The following ASIC2 variants were observed in gnomAD, a reference collection of about 807,000 sequenced individuals.
The protein encoded by ASIC2 is acid sensing ion channel subunit 2, also known as acid-sensing ion channel 2.
In ASIC2, 25 loss-of-function variants were observed where a neutral mutation model predicts 57.3. That is an observed-to-expected ratio of 0.44 (90% CI 0.32 to 0.61). The LOEUF (loss-of-function observed/expected upper bound fraction) is 0.61. ASIC2 is among the 20% of genes least tolerant of loss of function. The pLI, the probability that ASIC2 is intolerant of heterozygous loss-of-function variation, is 0.06. For synonymous variants in ASIC2, 319 were observed against 307.5 expected, an observed-to-expected ratio of 1.04 and a Z score of -0.39; for missense variants, 641 against 738.1, an observed-to-expected ratio of 0.87 and a Z score of 1.52.
chr17:33,857,184 C>T (rs1597904795), intron 1 of ASIC2, among the ~76,000 whole-genome samples: 1 of 152,192 alleles, frequency 6.6e-6, no homozygotes, highest in African/African-American at 2.4e-5. Context: ...CCCTCGGCCC[C>T]TTTCTGCTGC....
intron 1 of ASIC2, among the ~76,000 whole-genome samples, chr17:33,720,026 G>A (rs1909339918): frequency 6.6e-6 from 1 of 152,160 alleles, no homozygotes; most frequent in South Asian, 2.1e-4. Context: ...GAATACAGGT[G>A]TGCACTTCAT....
Position 33,579,146 on chromosome 17 carries a change from C to T in ASIC2, c.556-467079G>A, listed in dbSNP as rs571406269. Among the ~76,000 whole-genome samples, 7 of 152,072 alleles carry T rather than the reference C, an allele frequency of 4.6e-5. No individual in the cohort carries two copies. The East Asian group carries it at 7.7e-4, about 17-fold the overall frequency. On this transcript the variant is annotated intron_variant, in intron 1 of 9. Transcript: ENST00000359872. ...CTAAAAATATAAAACAGTAGCCAGG[C>T]ATGATGGTGGGCGCCTGTAATCCCA...
chr17:33,799,382 C>CT lies in ASIC2; in HGVS notation c.555+356595dup, dbSNP rs1250719098. On this transcript the variant is annotated intron_variant, in intron 1 of 9. Transcript: ENST00000359872. Reference sequence around the variant, plus strand: ...TCTTTCTTTCTTTCTTTCTTCCTTTCTTTCTTTCTTTCTTTCTTTCTTTTC... The same window carrying CT: ...TCTTTCTTTCTTTCTTTCTTCCTTTCTTTTCTTTCTTTCTTTCTTTCTTTTC... 2.8e-3 allele frequency among the ~76,000 whole-genome samples: 63 copies of CT among 22,780 alleles called. 1 individual carries two copies. The highest frequency in any genetic ancestry group is 8.6e-3 in the African/African-American group (55 of 6,406). The allele number at this position is 22,780 out of a possible 152,430, so 14.9% of individuals were successfully genotyped here.
intron 1 of ASIC2, among the ~76,000 whole-genome samples, chr17:33,864,588 G>GT (rs1185846359): frequency 6.6e-6 from 1 of 152,144 alleles, no homozygotes; most frequent in East Asian, 1.9e-4. Flanking sequence ...TCTTTTAATG[G>GT]TAAAGGGGAC....
At chr17:33,647,643 T>C (rs1183866141) in intron 1 of ASIC2, among the ~76,000 whole-genome samples, 1 of 152,232 alleles carries the variant, frequency 6.6e-6, no homozygotes. Flanking sequence ...CCTGTGCACA[T>C]GTGTATATCT....
intron 1 of ASIC2, among the ~76,000 whole-genome samples, chr17:33,180,941 T>C (rs936044630): frequency 6.6e-6 from 1 of 152,216 alleles, no homozygotes; most frequent in Non-Finnish European, 1.5e-5. Context: ...GCCACGCGGC[T>C]GTGCTCTGCT....
intron 1 of ASIC2, among the ~76,000 whole-genome samples, chr17:33,658,483 C>CAT (rs1907146924): frequency 6.6e-6 from 1 of 152,212 alleles, no homozygotes; most frequent in African/African-American, 2.4e-5. Flanking sequence ...TGGGGCTCCT[C>CAT]ATACTGGGTA....
chr17:33,774,670 T>G (rs893089038), intron 1 of ASIC2, among the ~76,000 whole-genome samples: 1 of 152,184 alleles, frequency 6.6e-6, no homozygotes, highest in Non-Finnish European at 1.5e-5. Context: ...CAACACCTTG[T>G]TAAATGGGAG....
intron 1 of ASIC2, chr17:34,039,898 G>T: frequency 6.4e-7 from 1 of 1,565,026 alleles, no homozygotes; most frequent in Non-Finnish European, 8.8e-7. Flanking sequence ...CGCCGCTGCC[G>T]CTCCACGCTC....
intron 1 of ASIC2, among the ~76,000 whole-genome samples, chr17:33,164,227 T>C (rs764593041): frequency 3.9e-5 from 6 of 152,162 alleles, no homozygotes; most frequent in Non-Finnish European, 5.9e-5. Flanking sequence ...TCCCTTCTCT[T>C]CCTGGCCTGC....
At chr17:33,514,306 G>T (rs1314134542) in intron 1 of ASIC2, among the ~76,000 whole-genome samples, 2 of 152,140 alleles carry the variant, frequency 1.3e-5, no homozygotes, top group African/African-American at 4.8e-5. Flanking sequence ...GAACTGAAAT[G>T]AAATGCACCA....
chr17:33,147,860 G>A (rs2142025545), intron 1 of ASIC2, among the ~76,000 whole-genome samples: 1 of 152,326 alleles, frequency 6.6e-6, no homozygotes, highest in South Asian at 2.1e-4. Flanking sequence ...CCCTCTCCAA[G>A]TTGGAGCTGC....
chr17:33,933,422 C>T (rs1915988929), intron 1 of ASIC2, among the ~76,000 whole-genome samples: 1 of 152,232 alleles, frequency 6.6e-6, no homozygotes. Context: ...TCAGAGAATG[C>T]TTGTTCAATG....
At chr17:33,379,190 C>T (rs891410277) in intron 1 of ASIC2, among the ~76,000 whole-genome samples, 2 of 152,100 alleles carry the variant, frequency 1.3e-5, no homozygotes, top group African/African-American at 2.4e-5. Context: ...CATGGTGTAG[C>T]CCTGCCTTCA....
At chr17:33,221,638 A>G (rs1907693868) in intron 1 of ASIC2, among the ~76,000 whole-genome samples, 1 of 152,240 alleles carries the variant, frequency 6.6e-6, no homozygotes, top group Non-Finnish European at 1.5e-5. Flanking sequence ...CTGACTTCAT[A>G]AAAGAGCCAT....
At chr17:33,881,209 A>C (rs1325020876) in intron 1 of ASIC2, among the ~76,000 whole-genome samples, 1 of 152,174 alleles carries the variant, frequency 6.6e-6, no homozygotes, top group African/African-American at 2.4e-5. Context: ...AGAAGACAGG[A>C]ATGCCCTCTC....
chr17:33,772,709 A>G (rs1379295489), intron 1 of ASIC2, among the ~76,000 whole-genome samples: 1 of 152,202 alleles, frequency 6.6e-6, no homozygotes, highest in Non-Finnish European at 1.5e-5. Context: ...TAGGCTCTCA[A>G]TATGCACCAG....
chr17:33,036,847 C>T (rs1035157545), intron 3 of ASIC2, among the ~76,000 whole-genome samples: 2 of 152,134 alleles, frequency 1.3e-5, no homozygotes, highest in African/African-American at 2.4e-5. Flanking sequence ...GAATAAGTCA[C>T]TGCTCCCCTC....
At chr17:33,239,069 G>A (rs1567795069) in intron 1 of ASIC2, among the ~76,000 whole-genome samples, 4 of 152,054 alleles carry the variant, frequency 2.6e-5, no homozygotes, top group East Asian at 3.9e-4. Context: ...CGAGGCAGGC[G>A]GATCACAAGG....
Sources: gnomAD v4.1 joint callset for allele counts (sites outside exome capture counted in the v4.1 genomes callset) on GRCh38, gnomAD v4.1.1 for gene constraint, MANE v1.5 for transcripts, NCBI Gene and HGNC (gene_info 2026-07-23, HGNC 2026-07-21) for gene names.